Variants in C8orf34 observed in about 807,000 individuals in gnomAD.
The protein encoded by C8orf34 is chromosome 8 open reading frame 34.
Under a neutral mutation model 68.3 loss-of-function variants are expected in C8orf34, and 65 were observed. That is an observed-to-expected ratio of 0.95 (90% CI 0.78 to 1.17). C8orf34 has a LOEUF of 1.17. C8orf34 is among the 50% of genes most tolerant of loss of function. The pLI, the probability that C8orf34 is intolerant of heterozygous loss-of-function variation, is 0.00. For synonymous variants in C8orf34, 244 were observed against 241.2 expected (o/e 1.01, Z -0.11); for missense variants, 664 against 655.4 (o/e 1.01, Z -0.14).
At chr8:68,527,668 CTGCCT>C (rs1228191662) in intron 6 of C8orf34, among the ~76,000 whole-genome samples, 1 of 152,212 alleles carries the variant, frequency 6.6e-6, no homozygotes, top group Non-Finnish European at 1.5e-5. Flanking sequence ...CTGAGCTAGG[CTGCCT>C]TGCTTCAAAT....
At chr8:68,579,370 T>C (rs1320898869) in intron 7 of C8orf34, among the ~76,000 whole-genome samples, 1 of 152,156 alleles carries the variant, frequency 6.6e-6, no homozygotes, top group Non-Finnish European at 1.5e-5. Flanking sequence ...AGACCTAACT[T>C]AATTTTTCTT....
At chr8:68,460,138 A>G (rs988761562) in intron 3 of C8orf34, among the ~76,000 whole-genome samples, 1 of 152,122 alleles carries the variant, frequency 6.6e-6, no homozygotes, top group Non-Finnish European at 1.5e-5. Flanking sequence ...AGGAGATTAT[A>G]TCCTGCACCT....
chr8:68,615,774 A>G (rs188676094), intron 7 of C8orf34, among the ~76,000 whole-genome samples: 3 of 152,174 alleles, frequency 2.0e-5, no homozygotes, highest in Admixed American at 6.5e-5. Flanking sequence ...GTCTCTGCCC[A>G]GCTTTGGTAT....
At chr8:68,450,451 C>T (rs745492062) in intron 3 of C8orf34, among the ~76,000 whole-genome samples, 11 of 151,988 alleles carry the variant, frequency 7.2e-5, no homozygotes, top group African/African-American at 1.9e-4. Context: ...CCCCCAGATC[C>T]GTCAGAGGAA....
chr8:68,746,893 C>G (rs1337334780), intron 10 of C8orf34, among the ~76,000 whole-genome samples: 2 of 152,046 alleles, frequency 1.3e-5, no homozygotes, highest in African/African-American at 4.8e-5. Flanking sequence ...ATGAGGCCAG[C>G]ATCATCCTGA....
chr8:68,389,495 C>T (rs991023708), intron 1 of C8orf34, among the ~76,000 whole-genome samples: 3 of 152,060 alleles, frequency 2.0e-5, no homozygotes, highest in South Asian at 2.1e-4. Context: ...GAAGGCATTG[C>T]GATGATTACT....
chr8:68,527,325 C>A (rs959981705), intron 6 of C8orf34, among the ~76,000 whole-genome samples: 2 of 152,182 alleles, frequency 1.3e-5, no homozygotes, highest in African/African-American at 4.8e-5. Context: ...CGCCTGTAAG[C>A]GCTCTGGGAG....
chr8:68,346,176 T>C lies in C8orf34; in HGVS notation c.327+14837T>C, dbSNP rs189614282. On this transcript the variant is annotated intron_variant, in intron 1 of 13. Transcript: ENST00000518698. ...CTTTCTTAGTTGATTGGAAATATGA[T>C]ATATTTTACATACTAATTTCCCATA... 5.9e-3 allele frequency among the ~76,000 whole-genome samples: 903 copies of C among 152,234 alleles called. 4 individuals are homozygous for C. The highest frequency in any genetic ancestry group is 0.01 in the Non-Finnish European group (707 of 67,994).
At chr8:68,663,216 T>G (rs1231924089) in intron 8 of C8orf34, among the ~76,000 whole-genome samples, 2 of 152,222 alleles carry the variant, frequency 1.3e-5, no homozygotes, top group Admixed American at 6.5e-5. Flanking sequence ...CCTTATTTTT[T>G]TGTTTGTTTC....
intron 10 of C8orf34, among the ~76,000 whole-genome samples, chr8:68,770,638 C>T (rs543473331): frequency 6.6e-6 from 1 of 152,170 alleles, no homozygotes; most frequent in Non-Finnish European, 1.5e-5. Flanking sequence ...TGGCTTTGCC[C>T]TCTCACTTTT....
chr8:68,715,018 A>C (rs1411260893), intron 9 of C8orf34, among the ~76,000 whole-genome samples: 1 of 152,156 alleles, frequency 6.6e-6, no homozygotes, highest in African/African-American at 2.4e-5. Flanking sequence ...AAAAACATAA[A>C]GTGGGGAAGG....
chr8:68,528,874 G>T (rs1815126494), intron 6 of C8orf34, among the ~76,000 whole-genome samples: 1 of 152,118 alleles, frequency 6.6e-6, no homozygotes. Context: ...GCTTCCTCCA[G>T]CAGACTCTCT....
intron 8 of C8orf34, among the ~76,000 whole-genome samples, chr8:68,666,064 G>T (rs533396621): frequency 6.6e-6 from 1 of 152,214 alleles, no homozygotes; most frequent in South Asian, 2.1e-4. Flanking sequence ...TCCCATGGCC[G>T]GTATTTTTGT....
intron 7 of C8orf34, among the ~76,000 whole-genome samples, chr8:68,595,984 T>C (rs1304656540): frequency 6.6e-6 from 1 of 152,162 alleles, no homozygotes. Flanking sequence ...GTTTCCAATA[T>C]CACCCTTTAT....
intron 1 of C8orf34, among the ~76,000 whole-genome samples, chr8:68,420,583 A>C (rs1272057194): frequency 6.6e-6 from 1 of 152,108 alleles, no homozygotes; most frequent in African/African-American, 2.4e-5. Flanking sequence ...AAGAGAAGCC[A>C]GTAGAAATAA....
chr8:68,445,444 A>G (rs1459420380), intron 2 of C8orf34, among the ~76,000 whole-genome samples: 2 of 152,196 alleles, frequency 1.3e-5, no homozygotes, highest in Non-Finnish European at 2.9e-5. Context: ...ATGAGGAAAA[A>G]GATTGTTCTG....
At chr8:68,458,302 T>C (rs1273016309) in intron 3 of C8orf34, among the ~76,000 whole-genome samples, 3 of 152,144 alleles carry the variant, frequency 2.0e-5, no homozygotes, top group African/African-American at 7.2e-5. Context: ...CATGATTCTG[T>C]ATGTAGACTG....
At chr8:68,402,291 C>T (rs1298527129) in intron 1 of C8orf34, among the ~76,000 whole-genome samples, 2 of 151,984 alleles carry the variant, frequency 1.3e-5, no homozygotes, top group Non-Finnish European at 2.9e-5. Flanking sequence ...TTTGAATCAT[C>T]GCTCTTCTTT....
Position 68,521,822 on chromosome 8 carries a change from T to C in C8orf34, c.789T>C (p.Ser263=), listed in dbSNP as rs200484737. ...AGGAAACAGTGACATTTAATTCTTC[T>C]CTTCTGAGGCCCCGTGTGATTGGAG... is the stretch of plus-strand genomic sequence containing the variant. ...LDKETVTFNS[S]LLRPRVIGEW... Residue 263 remains serine (S), a synonymous_variant, in exon 6 of 14, where the codon TCT becomes TCC. Coordinates refer to ENST00000518698, the MANE Select transcript of C8orf34 (RefSeq NM_052958.4). The C allele has an allele frequency of 1.1e-4, 174 of 1,613,406 alleles. No individual in the cohort carries two copies. Among genetic ancestry groups the C allele is most frequent in the Non-Finnish European group, 1.3e-4 (156 of 1,179,716 alleles).
Sources: gnomAD v4.1 joint callset for allele counts (sites outside exome capture counted in the v4.1 genomes callset) on GRCh38, gnomAD v4.1.1 for gene constraint, MANE v1.5 for transcripts, NCBI Gene and HGNC (gene_info 2026-07-23, HGNC 2026-07-21) for gene names.